The following DYNC2H1 variants were observed in gnomAD, a reference collection of about 807,000 sequenced individuals.
DYNC2H1 encodes the protein cytoplasmic dynein 2 heavy chain 1.
Under a neutral mutation model 570.0 loss-of-function variants are expected in DYNC2H1, and 410 were observed. The observed-to-expected ratio is 0.72, with a 90% CI of 0.66 to 0.78. The LOEUF (loss-of-function observed/expected upper bound fraction) is 0.78, where lower values mean the gene tolerates loss of function less well. Among genes scored for constraint, DYNC2H1 ranks in the 30% least tolerant of loss-of-function variants. The pLI, the probability that DYNC2H1 is intolerant of heterozygous loss-of-function variation, is 0.00. For missense variants in DYNC2H1, 4,865 were observed against 5,046.4 expected (o/e 0.96, Z 1.09); for synonymous variants, 1,688 against 1,677.6 (o/e 1.01, Z -0.15).
chr11:103,294,612 G>A (rs1227263869), intron 75 of DYNC2H1, among the ~76,000 whole-genome samples: 3 of 152,134 alleles, frequency 2.0e-5, no homozygotes, highest in Admixed American at 6.5e-5. Context: ...CAGAGTTTGG[G>A]GAGAGGCAAT....
intron 87 of DYNC2H1, among the ~76,000 whole-genome samples, chr11:103,464,300 T>C (rs1056301313): frequency 6.6e-6 from 1 of 152,066 alleles, no homozygotes; most frequent in African/African-American, 2.4e-5. Flanking sequence ...AAAAAATTGA[T>C]AGACAAACTA....
chr11:103,360,565 G>C (rs984691799), intron 83 of DYNC2H1, among the ~76,000 whole-genome samples: 1 of 151,812 alleles, frequency 6.6e-6, no homozygotes, highest in African/African-American at 2.4e-5. Context: ...TATTATGAAT[G>C]GTCATTTATA....
intron 48 of DYNC2H1, among the ~76,000 whole-genome samples, chr11:103,198,309 T>C (rs897466525): frequency 2.0e-5 from 3 of 152,222 alleles, no homozygotes; most frequent in Non-Finnish European, 2.9e-5. Flanking sequence ...TGAGGTTTAA[T>C]ATTAATCAGG....
chr11:103,370,048 G>C (rs546380239), intron 83 of DYNC2H1, among the ~76,000 whole-genome samples: 1 of 152,216 alleles, frequency 6.6e-6, no homozygotes, highest in Non-Finnish European at 1.5e-5. Context: ...GCTCTTAGAC[G>C]GCATTGCTGG....
At chr11:103,206,807 G>A (rs370268887) in intron 52 of DYNC2H1, among the ~76,000 whole-genome samples, 2 of 152,108 alleles carry the variant, frequency 1.3e-5, no homozygotes, top group Non-Finnish European at 2.9e-5. Context: ...ATTGGAATAC[G>A]TTTCAGAAAG....
At position 103,201,567 on chromosome 11, in the gene DYNC2H1, G is replaced by T. The variant is rs1862720912; in HGVS notation, c.8197+1413G>T. Among the ~76,000 whole-genome samples, 1 of 152,076 alleles carries T rather than the reference G, an allele frequency of 6.6e-6. No homozygotes were observed. Among genetic ancestry groups the T allele is most frequent in the Non-Finnish European group, 1.5e-5 (1 of 68,022 alleles). ...AATCCATTGAATTAAAATCTCTGGG[G>T]TATGGTGGGAGTATCATTTGGCTAT... On this transcript the variant is annotated intron_variant, in intron 50 of 88. Coordinates refer to ENST00000375735, the MANE Select transcript of DYNC2H1 (RefSeq NM_001377.3). This position sits in a 1 kb window ranked among gnomAD's most constrained non-coding sequence, Gnocchi z 4.8.
At chr11:103,329,934 A>G (rs1433803802) in intron 82 of DYNC2H1, among the ~76,000 whole-genome samples, 2 of 152,198 alleles carry the variant, frequency 1.3e-5, no homozygotes, top group Non-Finnish European at 2.9e-5. Context: ...TACTCTTGCC[A>G]CTGCTTTTGC....
chr11:103,309,181 T>TTTTTTTTTTTTG (rs1867450522), intron 78 of DYNC2H1, among the ~76,000 whole-genome samples: 1 of 117,498 alleles, frequency 8.5e-6, no homozygotes. Context: ...TTTTTTTTTT[T>TTTTTTTTTTTTG]TTTTTTTTTT....
At chr11:103,174,389 C>G (rs1453536029) in intron 36 of DYNC2H1, among the ~76,000 whole-genome samples, 1 of 152,082 alleles carries the variant, frequency 6.6e-6, no homozygotes, top group Admixed American at 6.6e-5. Context: ...AAATTTCCTA[C>G]TTTATTCAGG....
Position 103,310,486 on chromosome 11 carries a change from TTAGTG to T in DYNC2H1, c.11494-1386_11494-1382del, listed in dbSNP as rs1204772236. Among the ~76,000 whole-genome samples the T allele has an allele frequency of 3.3e-5, 5 of 152,134 alleles. No homozygotes were observed. The South Asian group carries it at 8.3e-4, about 25-fold the overall frequency. On this transcript the variant is annotated intron_variant, in intron 78 of 88. Coordinates refer to ENST00000375735, the MANE Select transcript of DYNC2H1 (RefSeq NM_001377.3). ...TAGGATTTATTAATTTGTATGATCT[TTAGTG>T]TAGTGCCTTTTTAAAAACTCTAAGT...
Position 103,186,233 on chromosome 11 carries a change from C to T in DYNC2H1, c.6634-9C>T. On this transcript the variant is annotated splice_polypyrimidine_tract_variant and intron_variant, in intron 41 of 88. Coordinates refer to ENST00000375735, the MANE Select transcript of DYNC2H1 (RefSeq NM_001377.3). This position sits in a 1 kb window ranked among gnomAD's most constrained non-coding sequence, Gnocchi z 4.5. Reference sequence around the variant, plus strand: ...ATGTGAAAACTTATCACAATTTTTTCCTCTTAAGGTTTTTCATTGGGCACG... The same window carrying T: ...ATGTGAAAACTTATCACAATTTTTTTCTCTTAAGGTTTTTCATTGGGCACG... The T allele has an allele frequency of 6.2e-7, 1 of 1,601,196 alleles. No homozygotes were observed. The highest frequency in any genetic ancestry group is 2.2e-5 in the East Asian group (1 of 44,564).
chr11:103,245,904 G>A lies in DYNC2H1; in HGVS notation c.10042+530G>A, dbSNP rs1864595087. Among the ~76,000 whole-genome samples, 2 of 152,104 alleles carry A rather than the reference G, an allele frequency of 1.3e-5. 1 individual carries two copies. The highest frequency in any genetic ancestry group is 4.1e-4 in the South Asian group (2 of 4,834). On this transcript the variant is annotated intron_variant, in intron 65 of 88. Coordinates refer to ENST00000375735, the MANE Select transcript of DYNC2H1 (RefSeq NM_001377.3). The surrounding 1 kb of genome is among the most constrained non-coding windows in gnomAD (Gnocchi z 4.5). ...ACTTAAAGAGCATATCATGCAAAGT[G>A]TATACACATACATATGTAGACGTGT...
chr11:103,141,375 G>A (rs950800434), intron 17 of DYNC2H1, among the ~76,000 whole-genome samples: 13 of 152,116 alleles, frequency 8.5e-5, no homozygotes, highest in African/African-American at 3.1e-4. Flanking sequence ...GTACAGATGG[G>A]TTTTTGGTGT....
chr11:103,257,470 C>T, intron 68 of DYNC2H1, 138 bp from the exon 69 acceptor site: 1 of 805,248 alleles, frequency 1.2e-6, no homozygotes, highest in Non-Finnish European at 1.7e-6. Context: ...TCATCATCTT[C>T]ATTTGTTTTA....
rs767252538 is a variant in DYNC2H1, at chr11:103,165,987, G to A, written c.4701G>A (p.Leu1567=). Residue 1567 remains leucine, a synonymous_variant, in exon 31 of 89, where the codon CTG becomes CTA. Transcript: ENST00000375735. ...DHSLHQIETQ[L]VNKLEQYTNI... is the part of the protein sequence containing the mutation. ...GTCTTCATCAGATTGAAACACAACT[G>A]GTGAATAAGTTAGAGCAATATACTA... 3 of 1,530,006 alleles carry A rather than the reference G, an allele frequency of 2.0e-6. No individual in the cohort carries two copies. The South Asian group carries it at 3.8e-5, about 19-fold the overall frequency. The allele number at this position is 1,530,006 out of a possible 1,614,324, so 94.8% of individuals were successfully genotyped here. A position where few individuals can be genotyped will look rare whatever the true frequency, so the allele number is the denominator to read the frequency against.
At chr11:103,396,191 T>C (rs1469401755) in intron 83 of DYNC2H1, among the ~76,000 whole-genome samples, 3 of 152,190 alleles carry the variant, frequency 2.0e-5, no homozygotes, top group African/African-American at 7.2e-5. Context: ...GAGTCACATA[T>C]CTGAGAAGGA....
rs1247141468 is a variant in DYNC2H1, at chr11:103,369,035, G to A, written c.12156+10676G>A. 6.6e-6 allele frequency among the ~76,000 whole-genome samples: 1 copy of A among 152,082 alleles called. No individual in the cohort carries two copies. Among genetic ancestry groups the A allele is most frequent in the Non-Finnish European group, 1.5e-5 (1 of 68,018 alleles). ...AATCAGGTAAGCACTCACAATAACT[G>A]GTTTTAACTTCTTATTGCTGAAAGA... On this transcript the variant is annotated intron_variant, in intron 83 of 88. Transcript: ENST00000375735. This position sits in a 1 kb window ranked among gnomAD's most constrained non-coding sequence, Gnocchi z 4.0.
chr11:103,409,002 G>A (rs535927217), intron 84 of DYNC2H1, among the ~76,000 whole-genome samples: 17 of 151,980 alleles, frequency 1.1e-4, no homozygotes, highest in Admixed American at 7.2e-4. Context: ...CTGAAGCCTC[G>A]TGTGGCCATT....
chr11:103,174,193 C>T (rs1179366230), intron 36 of DYNC2H1, 23 bp downstream of exon 36: 1 of 1,486,944 alleles, frequency 6.7e-7, no homozygotes, highest in Non-Finnish European at 9.1e-7. Context: ...ATTCCAAATA[C>T]ATTAACTTAT....
Sources: allele counts gnomAD v4.1 joint callset (sites outside exome capture counted in the v4.1 genomes callset), GRCh38; gene constraint gnomAD v4.1.1; non-coding constraint Gnocchi (gnomAD v3.1); transcripts MANE v1.5; gene names NCBI Gene and HGNC (gene_info 2026-07-23, HGNC 2026-07-21).